Variants in CHST3 observed in about 807,000 individuals in gnomAD.
CHST3 encodes the protein C6ST-1.
In CHST3, 20 loss-of-function variants were observed where a neutral mutation model predicts 35.4. The ratio of observed to expected loss-of-function variants is 0.57; its 90% confidence interval spans 0.40 to 0.82. The LOEUF is 0.82. Among genes scored for constraint, CHST3 ranks in the 40% least tolerant of loss-of-function variants. CHST3 has a pLI of 0.00. For missense variants in CHST3, 693 were observed against 670.1 expected, an observed-to-expected ratio of 1.03 and a Z score of -0.38; for synonymous variants, 334 against 295.9, an observed-to-expected ratio of 1.13 and a Z score of -1.32.
intron 1 of CHST3, among the ~76,000 whole-genome samples, chr10:72,002,775 A>G (rs1840005540): frequency 6.6e-6 from 1 of 152,222 alleles, no homozygotes; most frequent in Admixed American, 6.5e-5. Context: ...CACAGGCTAA[A>G]CAGGGTGCAT....
chr10:72,007,840 T>A lies in CHST3; in HGVS notation c.809T>A (p.Met270Lys). The part of the protein sequence containing the change: ...AAEACRRKEH[M>K]ALKAVRIRQL... ...GAGGCCTGCCGCCGCAAGGAGCACA[T>A]GGCCCTCAAGGCGGTGCGCATCCGG... The change falls in exon 3 of 3, where the codon ATG becomes AAG. Residue 270 changes from methionine to lysine, a missense_variant. Transcript: ENST00000373115. The A allele has an allele frequency of 6.2e-7, 1 of 1,605,580 alleles. No homozygotes were observed. The highest frequency in any genetic ancestry group is 8.5e-7 in the Non-Finnish European group (1 of 1,179,216).
Position 72,007,501 on chromosome 10 carries a change from A to G in CHST3, c.470A>G (p.Asn157Ser), listed in dbSNP as rs748682493. 2 of 1,602,386 alleles carry G rather than the reference A, an allele frequency of 1.2e-6. No homozygotes were observed. Among genetic ancestry groups the G allele is most frequent in the South Asian group, 1.1e-5 (1 of 91,056 alleles). Reference sequence around the variant, plus strand: ...GGCGAGTTCTTCAACCAGCAGGGCAACATCTTCTACCTCTTCGAGCCGCTG... The same window carrying G: ...GGCGAGTTCTTCAACCAGCAGGGCAGCATCTTCTACCTCTTCGAGCCGCTG... ...FVGEFFNQQG[N>S]IFYLFEPLWH... Residue 157 changes from asparagine (N) to serine (S), a missense_variant, in exon 3 of 3, where the codon AAC becomes AGC. Transcript: ENST00000373115.
At chr10:71,976,551 C>G (rs1336100178) in intron 1 of CHST3, among the ~76,000 whole-genome samples, 1 of 152,206 alleles carries the variant, frequency 6.6e-6, no homozygotes, top group Non-Finnish European at 1.5e-5. Context: ...GTGGCCATTC[C>G]TCCCCTCCAG....
At chr10:71,982,991 C>A (rs1343135163) in intron 1 of CHST3, among the ~76,000 whole-genome samples, 3 of 152,228 alleles carry the variant, frequency 2.0e-5, no homozygotes, top group Non-Finnish European at 4.4e-5. Flanking sequence ...GGCAGTCAGA[C>A]AGACATGGGT....
chr10:71,998,868 T>C (rs561695535), intron 1 of CHST3, among the ~76,000 whole-genome samples: 86 of 151,086 alleles, frequency 5.7e-4, no homozygotes, highest in Middle Eastern at 3.4e-3. Flanking sequence ...CTCTTGGGAG[T>C]AACATAGCCC....
intron 1 of CHST3, among the ~76,000 whole-genome samples, chr10:71,986,246 G>A (rs896076720): frequency 8.5e-5 from 13 of 152,268 alleles, no homozygotes; most frequent in South Asian, 4.1e-4. Context: ...TAAAAGTAGT[G>A]GCTCTCCATC....
chr10:71,991,107 T>C (rs1839893018), intron 1 of CHST3, among the ~76,000 whole-genome samples: 1 of 152,152 alleles, frequency 6.6e-6, no homozygotes, highest in African/African-American at 2.4e-5. Context: ...CCTGGATGAA[T>C]GTGTGGGAAA....
At chr10:71,976,724 T>C (rs918272091) in intron 1 of CHST3, among the ~76,000 whole-genome samples, 3 of 152,276 alleles carry the variant, frequency 2.0e-5, no homozygotes, top group Non-Finnish European at 2.9e-5. Context: ...TTTTCCTTTC[T>C]GTGATAGGAT....
chr10:71,996,386 ACT>A (rs921157463), intron 1 of CHST3, among the ~76,000 whole-genome samples: 5 of 78,670 alleles, frequency 6.4e-5, no homozygotes, highest in Non-Finnish European at 9.8e-5. Context: ...TTGTGCCAAG[ACT>A]CTCTCTCTTT....
chr10:72,005,793 C>T lies in CHST3; in HGVS notation c.-50C>T, dbSNP rs377183765. ...CTGGGTCCTGAGTGATGCCCCTCAG[C>T]TGAGTGTCCAAGGCTGGCCCGAGGA... On this transcript the variant is annotated 5_prime_UTR_variant, in exon 2 of 3. Transcript: ENST00000373115. 2 of 1,613,138 alleles carry T rather than the reference C, an allele frequency of 1.2e-6. No individual in the cohort carries two copies. Among genetic ancestry groups the T allele is most frequent in the Non-Finnish European group, 1.7e-6 (2 of 1,179,584 alleles).
intron 1 of CHST3, among the ~76,000 whole-genome samples, chr10:71,985,137 G>C (rs1265212844): frequency 6.6e-6 from 1 of 152,266 alleles, no homozygotes; most frequent in Non-Finnish European, 1.5e-5. Flanking sequence ...GTGCTGCGCA[G>C]CTGGCGTGGT....
chr10:72,001,915 C>T (rs975951297), intron 1 of CHST3, among the ~76,000 whole-genome samples: 1 of 152,224 alleles, frequency 6.6e-6, no homozygotes, highest in Non-Finnish European at 1.5e-5. Flanking sequence ...AAAGGTGTAT[C>T]TGATGTCACA....
Position 71,970,529 on chromosome 10 carries a change from A to G in CHST3, c.-108+5835A>G, listed in dbSNP as rs1201194575. ...CTCCTCCTTAACTTTAAGAGCCTCA[A>G]AAGTCAGGGAACACACCCTCCGCTG... On this transcript the variant is annotated intron_variant, in intron 1 of 2. Coordinates refer to ENST00000373115, the MANE Select transcript of CHST3 (RefSeq NM_004273.5). Among the ~76,000 whole-genome samples, 4 of 152,128 alleles carry G rather than the reference A, an allele frequency of 2.6e-5. No individual in the cohort carries two copies. The South Asian group carries it at 6.2e-4, about 24-fold the overall frequency.
chr10:72,004,429 G>A (rs981310931), intron 1 of CHST3, among the ~76,000 whole-genome samples: 3 of 152,180 alleles, frequency 2.0e-5, no homozygotes, highest in African/African-American at 7.2e-5. Context: ...ACATAGCCTG[G>A]GGGAGGCTGC....
chr10:72,002,977 G>A (rs891758674), intron 1 of CHST3, among the ~76,000 whole-genome samples: 2 of 152,194 alleles, frequency 1.3e-5, no homozygotes, highest in East Asian at 1.9e-4. Flanking sequence ...CTAGGTTGGG[G>A]GTCCCCAAGG....
chr10:71,998,842 C>T (rs1307849827), intron 1 of CHST3, among the ~76,000 whole-genome samples: 1 of 152,060 alleles, frequency 6.6e-6, no homozygotes, highest in African/African-American at 2.4e-5. Flanking sequence ...AGCTGGAGCC[C>T]TGGGGTGCTC....
At chr10:71,998,441 C>T (rs751767674) in intron 1 of CHST3, among the ~76,000 whole-genome samples, 3 of 152,252 alleles carry the variant, frequency 2.0e-5, no homozygotes, top group African/African-American at 4.8e-5. Flanking sequence ...GCTTCAGCCA[C>T]AGCTCCTGAC....
At chr10:72,001,871 C>A (rs1839996529) in intron 1 of CHST3, among the ~76,000 whole-genome samples, 1 of 152,174 alleles carries the variant, frequency 6.6e-6, no homozygotes, top group South Asian at 2.1e-4. Context: ...GCAGGCCTAG[C>A]CCTTGCACCA....
rs1840130300 is a variant in CHST3 at position 72,013,205 on chromosome 10, C to T, written c.*4734C>T. The T allele has an allele frequency of 6.6e-6, 1 of 152,506 alleles. No homozygotes were observed. Among genetic ancestry groups the T allele is most frequent in the Admixed American group, 6.5e-5 (1 of 15,284 alleles). 9.4% of individuals were successfully genotyped at this position (152,506 alleles called of 1,614,324 possible). A position where few individuals can be genotyped will look rare whatever the true frequency, so the allele number is the denominator to read the frequency against. ...CTGCACACTGTCTTTTTGCCAACAC[C>T]TCAGCCCTGTTTGCTATTTCATGTC... On this transcript the variant is annotated 3_prime_UTR_variant, in exon 3 of 3. Coordinates refer to ENST00000373115, the MANE Select transcript of CHST3 (RefSeq NM_004273.5).
Sources: gnomAD v4.1 joint callset for allele counts (sites outside exome capture counted in the v4.1 genomes callset) on GRCh38, gnomAD v4.1.1 for gene constraint, MANE v1.5 for transcripts, NCBI Gene and HGNC (gene_info 2026-07-23, HGNC 2026-07-21) for gene names.